Variants in CCDC85A observed in about 807,000 individuals in gnomAD.
CCDC85A encodes the protein coiled-coil domain containing 85A.
In CCDC85A, 38 loss-of-function variants were observed where a neutral mutation model predicts 50.2. The ratio of observed to expected loss-of-function variants is 0.76; its 90% CI spans 0.58 to 0.99. The LOEUF (loss-of-function observed/expected upper bound fraction) is 0.99. Among genes scored for constraint, CCDC85A ranks in the 50% least tolerant of loss-of-function variants. The probability of loss-of-function intolerance (pLI) is 0.00; values close to 1 mark genes in which losing one functional copy is unlikely to be tolerated. For missense variants in CCDC85A, 820 were observed against 742.0 expected, an observed-to-expected ratio of 1.11 and a Z score of -1.22; for synonymous variants, 366 against 301.4, an observed-to-expected ratio of 1.21 and a Z score of -2.22.
intron 2 of CCDC85A, among the ~76,000 whole-genome samples, chr2:56,215,721 A>T (rs1677361420): frequency 6.6e-6 from 1 of 151,650 alleles, no homozygotes; most frequent in Admixed American, 6.6e-5. Flanking sequence ...CTTGTGTTTG[A>T]AGGTACATTA....
intron 3 of CCDC85A, among the ~76,000 whole-genome samples, chr2:56,356,706 C>G (rs1472801014): frequency 7.5e-6 from 1 of 134,026 alleles, no homozygotes; most frequent in Non-Finnish European, 1.6e-5. Context: ...GCCTGGCCGA[C>G]AGAACTTTTT....
chr2:56,349,470 A>C (rs1286548955), intron 3 of CCDC85A, among the ~76,000 whole-genome samples: 1 of 152,176 alleles, frequency 6.6e-6, no homozygotes, highest in Non-Finnish European at 1.5e-5. Context: ...GGATTAAGGG[A>C]AAAGCTAAAA....
At chr2:56,355,838 C>G (rs150549520) in intron 3 of CCDC85A, among the ~76,000 whole-genome samples, 44 of 152,278 alleles carry the variant, frequency 2.9e-4, no homozygotes, top group African/African-American at 9.1e-4. Flanking sequence ...ATGCCTCTCA[C>G]TTGCTACAGA....
chr2:56,237,504 A>G (rs1162532460), intron 2 of CCDC85A, among the ~76,000 whole-genome samples: 1 of 152,236 alleles, frequency 6.6e-6, no homozygotes, highest in Non-Finnish European at 1.5e-5. Flanking sequence ...TCGCCAGTGT[A>G]TGGCAAGCCC....
At chr2:56,349,429 T>C (rs1674793970) in intron 3 of CCDC85A, among the ~76,000 whole-genome samples, 1 of 151,956 alleles carries the variant, frequency 6.6e-6, no homozygotes, top group Non-Finnish European at 1.5e-5. Context: ...GGAGAAAAAA[T>C]CATGCTAGAA....
At chr2:56,338,185 TG>T (rs1456636928) in intron 2 of CCDC85A, among the ~76,000 whole-genome samples, 2 of 152,192 alleles carry the variant, frequency 1.3e-5, no homozygotes, top group Non-Finnish European at 2.9e-5. Flanking sequence ...AAGCCAAAAA[TG>T]GCATTCTGAA....
At chr2:56,346,379 T>C (rs1674632273) in intron 3 of CCDC85A, among the ~76,000 whole-genome samples, 1 of 152,176 alleles carries the variant, frequency 6.6e-6, no homozygotes, top group Non-Finnish European at 1.5e-5. Context: ...TTTATACATA[T>C]ACAAAATGTT....
chr2:56,268,128 G>A (rs972021450), intron 2 of CCDC85A, among the ~76,000 whole-genome samples: 1 of 152,186 alleles, frequency 6.6e-6, no homozygotes, highest in Non-Finnish European at 1.5e-5. Flanking sequence ...TACATGAGGT[G>A]TTCAGTTAAC....
intron 2 of CCDC85A, among the ~76,000 whole-genome samples, chr2:56,324,923 A>G (rs1457627855): frequency 6.6e-6 from 1 of 151,914 alleles, no homozygotes; most frequent in African/African-American, 2.4e-5. Flanking sequence ...TCATTTCTTC[A>G]CTTTTTATTG....
chr2:56,254,380 C>A (rs1669893859), intron 2 of CCDC85A, among the ~76,000 whole-genome samples: 1 of 151,676 alleles, frequency 6.6e-6, no homozygotes, highest in South Asian at 2.1e-4. Flanking sequence ...AAAATGTGGA[C>A]CCCATCCTGA....
intron 2 of CCDC85A, among the ~76,000 whole-genome samples, chr2:56,339,955 A>G (rs913356535): frequency 3.9e-5 from 6 of 152,178 alleles, no homozygotes; most frequent in South Asian, 2.1e-4. Flanking sequence ...TTATTAAGCT[A>G]AAAAAATGAG....
At chr2:56,237,532 G>A (rs141950606) in intron 2 of CCDC85A, among the ~76,000 whole-genome samples, 5 of 152,302 alleles carry the variant, frequency 3.3e-5, no homozygotes, top group African/African-American at 7.2e-5. Context: ...AGCAGCTTAC[G>A]TGAATGTCTT....
chr2:56,341,863 C>G (rs2104320567), intron 2 of CCDC85A, among the ~76,000 whole-genome samples: 1 of 152,262 alleles, frequency 6.6e-6, no homozygotes, highest in African/African-American at 2.4e-5. Context: ...CTAAATAGCT[C>G]TTTCATGTTT....
chr2:56,244,582 A>C lies in CCDC85A; in HGVS notation c.1240+51142A>C, dbSNP rs140954325. On this transcript the variant is annotated intron_variant, in intron 2 of 5. Transcript: ENST00000407595. The stretch of plus-strand genomic sequence containing the variant: ...CCCTACTGTGGATAAGCTGGTACCT[A>C]GGCTGTAAGACACAGTCTCCTCTGT... Among the ~76,000 whole-genome samples, 16 of 151,698 alleles carry C rather than the reference A, an allele frequency of 1.1e-4. No homozygotes were observed. In the East Asian group the frequency reaches 2.2e-3, roughly 21 times the overall value.
At chr2:56,256,183 A>G (rs764210269) in intron 2 of CCDC85A, among the ~76,000 whole-genome samples, 2 of 152,212 alleles carry the variant, frequency 1.3e-5, no homozygotes, top group Non-Finnish European at 2.9e-5. Flanking sequence ...TGAAAGGGCT[A>G]TTGTTGGAAA....
chr2:56,320,191 G>A (rs1673109904), intron 2 of CCDC85A, among the ~76,000 whole-genome samples: 1 of 152,144 alleles, frequency 6.6e-6, no homozygotes, highest in African/African-American at 2.4e-5. Context: ...AAGGAGGAGA[G>A]ATCTAAAATT....
chr2:56,275,025 G>T (rs551021541), intron 2 of CCDC85A, among the ~76,000 whole-genome samples: 53 of 152,158 alleles, frequency 3.5e-4, no homozygotes, highest in African/African-American at 1.2e-3. Context: ...TCATCCTCAC[G>T]ACCTCATCCA....
At chr2:56,246,204 G>A (rs1669502796) in intron 2 of CCDC85A, among the ~76,000 whole-genome samples, 1 of 152,160 alleles carries the variant, frequency 6.6e-6, no homozygotes, top group African/African-American at 2.4e-5. Flanking sequence ...GATTATAGGA[G>A]TGAGCCACCA....
chr2:56,343,731 C>T (rs561727398), intron 3 of CCDC85A, among the ~76,000 whole-genome samples: 2 of 152,226 alleles, frequency 1.3e-5, no homozygotes, highest in Admixed American at 1.3e-4. Context: ...AGAAATTAGT[C>T]ACTAGGGTTC....
Sources: allele counts gnomAD v4.1 joint callset (sites outside exome capture counted in the v4.1 genomes callset), GRCh38; gene constraint gnomAD v4.1.1; transcripts MANE v1.5; gene names NCBI Gene and HGNC (gene_info 2026-07-23, HGNC 2026-07-21).